DYNC1I1: variants seen among roughly 807,000 people sequenced by gnomAD.
DYNC1I1 encodes the protein cytoplasmic dynein 1 intermediate chain 1.
A neutral mutation model predicts 86.6 loss-of-function variants in DYNC1I1; 43 were observed. That is an observed-to-expected ratio of 0.50 (90% CI 0.39 to 0.64). DYNC1I1 has a LOEUF of 0.64. Ranked by LOEUF, DYNC1I1 falls within the 30% of genes least tolerant of loss-of-function variation. DYNC1I1 has a pLI of 0.00. For synonymous variants in DYNC1I1, 262 were observed against 283.7 expected (o/e 0.92, Z 0.77); for missense variants, 604 against 788.8 (o/e 0.77, Z 2.81).
chr7:96,069,426 C>T (rs1393022764), intron 14 of DYNC1I1, among the ~76,000 whole-genome samples: 2 of 152,176 alleles, frequency 1.3e-5, no homozygotes, highest in Non-Finnish European at 2.9e-5. Flanking sequence ...AGTGACTCTG[C>T]CCTCCTCGAC....
chr7:96,109,010 T>C (rs1791264076), intron 16 of DYNC1I1, among the ~76,000 whole-genome samples: 1 of 152,160 alleles, frequency 6.6e-6, no homozygotes, highest in African/African-American at 2.4e-5. Flanking sequence ...TGGCATAAAT[T>C]TGTGCATAAC....
intron 14 of DYNC1I1, among the ~76,000 whole-genome samples, chr7:96,053,506 C>T (rs1181446209): frequency 2.0e-5 from 3 of 152,066 alleles, no homozygotes; most frequent in Non-Finnish European, 4.4e-5. Flanking sequence ...CCAACAAACT[C>T]CTGTCACTAG....
intron 5 of DYNC1I1, among the ~76,000 whole-genome samples, chr7:95,839,488 G>A (rs114261577): frequency 2.2e-3 from 336 of 152,082 alleles, no homozygotes; most frequent in African/African-American, 7.6e-3. Context: ...TGTGCAATTG[G>A]TGTTGCAGTT....
intron 15 of DYNC1I1, among the ~76,000 whole-genome samples, chr7:96,079,599 T>C (rs1790450049): frequency 1.3e-5 from 2 of 152,174 alleles, no homozygotes; most frequent in Non-Finnish European, 1.5e-5. Context: ...ATTATTGTTA[T>C]AATTATCAAT....
intron 5 of DYNC1I1, among the ~76,000 whole-genome samples, chr7:95,845,574 C>T (rs1789403479): frequency 6.6e-6 from 1 of 152,120 alleles, no homozygotes. Context: ...GAGAATAATG[C>T]CAGTTGAATT....
At chr7:95,815,351 G>T (rs1223834708) in intron 4 of DYNC1I1, among the ~76,000 whole-genome samples, 1 of 152,106 alleles carries the variant, frequency 6.6e-6, no homozygotes, top group East Asian at 1.9e-4. Context: ...GTAACTAGAA[G>T]TCAATTAGTA....
intron 12 of DYNC1I1, among the ~76,000 whole-genome samples, chr7:96,035,195 C>T (rs1794901439): frequency 1.3e-5 from 2 of 152,310 alleles, no homozygotes; most frequent in South Asian, 4.1e-4. Flanking sequence ...AGGACACATA[C>T]TCCTGCTTTG....
chr7:96,069,339 T>G (rs1238880968), intron 14 of DYNC1I1, among the ~76,000 whole-genome samples: 1 of 152,140 alleles, frequency 6.6e-6, no homozygotes, highest in Non-Finnish European at 1.5e-5. Context: ...CAGTCCAGAA[T>G]GAGAATAGCA....
At chr7:95,989,272 T>C (rs1793672199) in intron 9 of DYNC1I1, among the ~76,000 whole-genome samples, 1 of 152,334 alleles carries the variant, frequency 6.6e-6, no homozygotes, top group Non-Finnish European at 1.5e-5. Context: ...TAGACCCTCA[T>C]CAGCAATAAA....
intron 6 of DYNC1I1, among the ~76,000 whole-genome samples, chr7:95,954,421 T>C (rs950206787): frequency 6.6e-6 from 1 of 151,916 alleles, no homozygotes; most frequent in Admixed American, 6.6e-5. Flanking sequence ...ACATGGAGCA[T>C]TTCCATTGAC....
chr7:95,852,910 G>T (rs1296502626), intron 5 of DYNC1I1, among the ~76,000 whole-genome samples: 1 of 151,948 alleles, frequency 6.6e-6, no homozygotes. Flanking sequence ...CTTCTTTTTT[G>T]ATGTAGATAT....
chr7:95,906,455 G>A (rs1791180353), intron 6 of DYNC1I1, among the ~76,000 whole-genome samples: 1 of 151,730 alleles, frequency 6.6e-6, no homozygotes, highest in Non-Finnish European at 1.5e-5. Context: ...TACATCTGTG[G>A]CTCTTGCTTT....
chr7:95,941,578 G>C (rs1792221955), intron 6 of DYNC1I1, among the ~76,000 whole-genome samples: 2 of 152,226 alleles, frequency 1.3e-5, no homozygotes, highest in South Asian at 4.1e-4. Context: ...CAATCAGTGA[G>C]ATTCCATGGG....
At chr7:95,810,290 C>A in intron 2 of DYNC1I1, 102 bp from the exon 3 acceptor site, 1 of 849,028 alleles carries the variant, frequency 1.2e-6, no homozygotes, top group Non-Finnish European at 1.8e-6. Flanking sequence ...TTAGGGCTTT[C>A]ACCTTGTCTT....
intron 7 of DYNC1I1, among the ~76,000 whole-genome samples, chr7:95,978,659 G>A (rs1793371567): frequency 7.0e-6 from 1 of 142,144 alleles, no homozygotes; most frequent in Admixed American, 6.9e-5. Flanking sequence ...TGTGGCAGAT[G>A]TTCAGCACTG....
chr7:95,843,969 A>G (rs1439035089), intron 5 of DYNC1I1, among the ~76,000 whole-genome samples: 2 of 152,236 alleles, frequency 1.3e-5, no homozygotes, highest in African/African-American at 2.4e-5. Context: ...TGGAACTGCA[A>G]TGGGAAAATT....
intron 5 of DYNC1I1, among the ~76,000 whole-genome samples, chr7:95,836,213 A>G (rs1384439809): frequency 2.6e-5 from 4 of 151,798 alleles, no homozygotes; most frequent in Non-Finnish European, 4.4e-5. Context: ...AAAGTATTTT[A>G]TTTCTCCTTC....
chr7:96,058,018 A>C (rs971999183), intron 14 of DYNC1I1, among the ~76,000 whole-genome samples: 1 of 151,954 alleles, frequency 6.6e-6, no homozygotes, highest in Non-Finnish European at 1.5e-5. Flanking sequence ...TCCATTTATC[A>C]CCTTTTTTTC....
At chr7:96,026,488 C>T (rs1034446304) in intron 10 of DYNC1I1, among the ~76,000 whole-genome samples, 1 of 151,872 alleles carries the variant, frequency 6.6e-6, no homozygotes, top group African/African-American at 2.4e-5. Flanking sequence ...GATCCTCTTA[C>T]TCATTTGCTC....
Sources: gnomAD v4.1 joint callset for allele counts (sites outside exome capture counted in the v4.1 genomes callset) on GRCh38, gnomAD v4.1.1 for gene constraint, MANE v1.5 for transcripts, NCBI Gene and HGNC (gene_info 2026-07-23, HGNC 2026-07-21) for gene names.